KSR1: variants seen among roughly 807,000 people sequenced by gnomAD.
KSR1 encodes the protein kinase suppressor of ras 1, also known as kinase suppressor of ras.
Under a neutral mutation model 92.9 loss-of-function variants are expected in KSR1, and 35 were observed. The ratio of observed to expected loss-of-function variants is 0.38; its 90% confidence interval spans 0.29 to 0.50. The LOEUF (loss-of-function observed/expected upper bound fraction) is 0.50. Among genes scored for constraint, KSR1 ranks in the 20% least tolerant of loss-of-function variants. KSR1 has a pLI of 0.94. For missense variants in KSR1, 972 were observed against 1,158.5 expected, an observed-to-expected ratio of 0.84 and a Z score of 2.34; for synonymous variants, 467 against 472.6, an observed-to-expected ratio of 0.99 and a Z score of 0.15.
At chr17:27,603,770 A>G (rs1395068070) in intron 11 of KSR1, 64 bp from the exon 12 acceptor site, 1 of 1,551,984 alleles carries the variant, frequency 6.4e-7, no homozygotes, top group Non-Finnish European at 8.9e-7. Flanking sequence ...GGTTTCAAGC[A>G]CGGTGTCTCT....
chr17:27,522,356 C>G (rs985551442), intron 1 of KSR1, among the ~76,000 whole-genome samples: 3 of 152,236 alleles, frequency 2.0e-5, no homozygotes, highest in Non-Finnish European at 2.9e-5. Context: ...CTTTGGCCCC[C>G]GCTCCCCGTG....
At chr17:27,499,604 GT>G (rs2069106467) in intron 1 of KSR1, among the ~76,000 whole-genome samples, 1 of 152,188 alleles carries the variant, frequency 6.6e-6, no homozygotes, top group Admixed American at 6.5e-5. Flanking sequence ...TCAGAACAAG[GT>G]GTGCCAGGCT....
rs757507154 is a variant in KSR1 at position 27,550,691 on chromosome 17, A to G, written c.355A>G (p.Arg119Gly). 2.5e-5 allele frequency: 19 copies of G among 763,244 alleles called. No individual in the cohort carries two copies. In the African/African-American group the frequency reaches 3.0e-4, roughly 12 times the overall value. The allele number at this position is 763,244 out of a possible 1,614,324, so 47.3% of individuals were successfully genotyped here. ...CGACTGGCTGTACACTTTCAACGTG[A>G]GGCCGGAGGTGGTGCAGGTATGCAA... is the stretch of plus-strand genomic sequence containing the variant. ...FSDWLYTFNVRPEVVQEIPRD... is the reference protein window; with the variant it reads ...FSDWLYTFNVGPEVVQEIPRD... The change falls in exon 2 of 21, where the codon AGG (arginine) becomes GGG (glycine). Residue 119 changes from arginine (R) to glycine (G), a missense_variant. By Grantham distance (125) the Arg-to-Gly change is moderately radical. Around this residue, in one of 5 missense-constraint regions of KSR1, gnomAD observed 611 missense variants for 668.0 expected, o/e 0.91. Coordinates refer to ENST00000644974, the MANE Select transcript of KSR1 (RefSeq NM_001394583.1).
In KSR1 at chr17:27,611,430, G is replaced by A. The variant is rs2073913039; in HGVS notation, c.2358-64G>A. ...TCCTCTGGCTGGGCTATGGCTCAAG[G>A]GCCCCTGGGCTTGAGCTGGGCACAG... On this transcript the variant is annotated intron_variant, in intron 17 of 20. Coordinates refer to ENST00000644974, the MANE Select transcript of KSR1 (RefSeq NM_001394583.1). The A allele has an allele frequency of 3.3e-5, 53 of 1,605,062 alleles. No homozygotes were observed. The South Asian group carries it at 5.7e-4, about 17-fold the overall frequency.
chr17:27,525,075 C>T (rs750768758), intron 1 of KSR1, among the ~76,000 whole-genome samples: 2 of 152,200 alleles, frequency 1.3e-5, no homozygotes, highest in Non-Finnish European at 2.9e-5. Flanking sequence ...CGCATCAGTC[C>T]TTCTGTATAT....
At position 27,498,605 on chromosome 17, in the gene KSR1, C is replaced by T. The variant is rs150121420; in HGVS notation, c.231+41731C>T. 6.7e-3 allele frequency among the ~76,000 whole-genome samples: 1,025 copies of T among 152,244 alleles called. 4 individuals carry two copies. The highest frequency in any genetic ancestry group is 0.011 in the Non-Finnish European group (751 of 68,006). ...TGCTGCACCCAGCTAGGCCTCTGTG[C>T]GCTGTTTCTCCCAGGGTGATCCCGA... On this transcript the variant is annotated intron_variant, in intron 1 of 20. Transcript: ENST00000644974.
At chr17:27,499,946 G>T (rs189263257) in intron 1 of KSR1, among the ~76,000 whole-genome samples, 19 of 152,322 alleles carry the variant, frequency 1.2e-4, no homozygotes, top group African/African-American at 2.2e-4. Flanking sequence ...AGGCTGGTCT[G>T]GGAGGACTGG....
At chr17:27,511,863 A>G (rs2069613133) in intron 1 of KSR1, among the ~76,000 whole-genome samples, 1 of 152,186 alleles carries the variant, frequency 6.6e-6, no homozygotes, top group South Asian at 2.1e-4. Flanking sequence ...GGCAATTCTT[A>G]AAACTAGTTT....
chr17:27,583,609 C>T (rs150172765), intron 4 of KSR1, among the ~76,000 whole-genome samples: 11 of 152,354 alleles, frequency 7.2e-5, no homozygotes, highest in South Asian at 6.2e-4. Flanking sequence ...TGAAACAGTG[C>T]TCTTTGCCCA....
At chr17:27,552,994 G>T (rs1158720476) in intron 2 of KSR1, among the ~76,000 whole-genome samples, 5 of 152,138 alleles carry the variant, frequency 3.3e-5, no homozygotes, top group Non-Finnish European at 7.3e-5. Flanking sequence ...ACTCACCAGG[G>T]TCCTAGAGCC....
intron 7 of KSR1, among the ~76,000 whole-genome samples, 192 bp from the exon 8 acceptor site, chr17:27,592,169 C>T (rs1851533237): frequency 6.6e-6 from 1 of 152,152 alleles, no homozygotes; most frequent in African/African-American, 2.4e-5. Context: ...GTGGTAAATG[C>T]TCAGCATAGT....
At chr17:27,501,806 A>C (rs1179494919) in intron 1 of KSR1, among the ~76,000 whole-genome samples, 4 of 152,226 alleles carry the variant, frequency 2.6e-5, no homozygotes, top group African/African-American at 9.6e-5. Flanking sequence ...GCTTGTTATA[A>C]TTTTCATCAC....
chr17:27,463,246 A>T (rs1450272751), intron 1 of KSR1, among the ~76,000 whole-genome samples: 4 of 152,178 alleles, frequency 2.6e-5, no homozygotes, highest in African/African-American at 9.7e-5. Flanking sequence ...GCGGTGGCTC[A>T]TGCCTGTAAT....
At chr17:27,551,594 C>A (rs911166058) in intron 2 of KSR1, among the ~76,000 whole-genome samples, 4 of 151,298 alleles carry the variant, frequency 2.6e-5, no homozygotes, top group Admixed American at 6.6e-5. Flanking sequence ...ATATGGAAAT[C>A]TTTTAAAAAT....
rs1488838292 is a variant in KSR1, at chr17:27,577,805, G to A, written c.520+166G>A. On this transcript the variant is annotated intron_variant, in intron 3 of 20. Coordinates refer to ENST00000644974, the MANE Select transcript of KSR1 (RefSeq NM_001394583.1). The surrounding 1 kb of genome is among the most constrained non-coding windows in gnomAD (Gnocchi z 4.5). ...CAGCCTCCTGAGAAGCTCTCCCAGG[G>A]TCCTCAGGGCTCTGGATCCTGGTGG... 5.6e-6 allele frequency: 4 copies of A among 713,738 alleles called. No individual in the cohort carries two copies. The highest frequency in any genetic ancestry group is 3.0e-5 in the South Asian group (2 of 66,844). The allele number at this position is 713,738 out of a possible 1,614,324, so 44.2% of individuals were successfully genotyped here.
intron 7 of KSR1, among the ~76,000 whole-genome samples, chr17:27,591,612 G>C (rs190430437): frequency 3.3e-5 from 5 of 152,358 alleles, no homozygotes; most frequent in African/African-American, 1.2e-4. Flanking sequence ...TGGGTCTTGT[G>C]CATATCAGCT....
chr17:27,494,151 T>TA (rs531351331), intron 1 of KSR1, among the ~76,000 whole-genome samples: 4,687 of 148,530 alleles, frequency 0.032, 235 homozygotes, highest in African/African-American at 0.11. Context: ...GACAGCAGGT[T>TA]AAAAAAAAAA....
intron 10 of KSR1, among the ~76,000 whole-genome samples, chr17:27,600,143 A>G (rs907600959): frequency 1.4e-5 from 2 of 140,852 alleles, no homozygotes; most frequent in East Asian, 2.1e-4. Flanking sequence ...CTCTAAAATC[A>G]TGATTAAAAG....
intron 2 of KSR1, among the ~76,000 whole-genome samples, chr17:27,564,488 G>A (rs1340300478): frequency 6.6e-6 from 1 of 152,216 alleles, no homozygotes; most frequent in South Asian, 2.1e-4. Context: ...CAAATCCAAG[G>A]AAGTCTGGAT....
Sources: allele counts gnomAD v4.1 joint callset (sites outside exome capture counted in the v4.1 genomes callset), GRCh38; gene constraint gnomAD v4.1.1; regional missense constraint gnomAD v4.1.1; non-coding constraint Gnocchi (gnomAD v3.1); transcripts MANE v1.5; gene names NCBI Gene and HGNC (gene_info 2026-07-23, HGNC 2026-07-21).